The following COL8A2 variants were observed in gnomAD, a reference collection of about 807,000 sequenced individuals.
COL8A2 encodes the protein collagen type VIII alpha 2 chain.
COL8A2 carries 16 observed loss-of-function variants against 24.0 expected under a neutral mutation model. The observed-to-expected ratio is 0.67, with a 90% confidence interval of 0.45 to 1.01. The LOEUF (loss-of-function observed/expected upper bound fraction) is 1.01, where lower values mean the gene tolerates loss of function less well. COL8A2 is among the 50% of genes least tolerant of loss of function. The pLI is 0.00. For missense variants in COL8A2, 818 were observed against 942.4 expected (o/e 0.87, Z 1.73); for synonymous variants, 466 against 424.5 (o/e 1.10, Z -1.20).
At position 36,104,524 on chromosome 1, in the gene COL8A2, T is replaced by C. The variant is rs1439611214; in HGVS notation, c.-16-4266A>G. Among the ~76,000 whole-genome samples the C allele has an allele frequency of 2.1e-5, 3 of 144,672 alleles. No individual in the cohort carries two copies. The Admixed American group carries it at 2.1e-4, about 10-fold the overall frequency. 94.9% of individuals were successfully genotyped at this position (144,672 alleles called of 152,430 possible). On this transcript the variant is annotated intron_variant, in intron 2 of 3. Transcript: ENST00000397799. ...AAATAAATAAATAATAAAATACAAA[T>C]AGGCTGGACGCGGTGGCTCACACCT...
chr1:36,100,775 A>G (rs1184316327), intron 2 of COL8A2, among the ~76,000 whole-genome samples: 1 of 151,360 alleles, frequency 6.6e-6, no homozygotes, highest in African/African-American at 2.4e-5. Context: ...AGGAAGCCAG[A>G]GATGGGATTT....
chr1:36,098,318 G>T lies in COL8A2; in HGVS notation c.1363C>A (p.Gln455Lys), dbSNP rs80358191. 1 of 1,548,020 alleles carries T rather than the reference G, an allele frequency of 6.5e-7. No homozygotes were observed. The highest frequency in any genetic ancestry group is 8.7e-7 in the Non-Finnish European group (1 of 1,146,448). ...CCTGAGGGACCCCTCAGGCCAGGCT[G>T]CCCAGGGAGCCCCAAGTCACCTTTC... Reference protein sequence around the residue: ...GQKGDLGLPGQPGLRGPSGIP... With the variant: ...GQKGDLGLPGKPGLRGPSGIP... Residue 455 changes from glutamine (Q) to lysine (K), a missense_variant, in exon 4 of 4, where the codon CAG becomes AAG. Physicochemically the swap from Gln to Lys is moderately conservative, Grantham distance 53. This residue lies in a region of COL8A2 where 573 missense variants were observed against 616.8 expected (regional missense o/e 0.93). Transcript: ENST00000397799.
At chr1:36,102,825 C>T (rs989641835) in intron 2 of COL8A2, among the ~76,000 whole-genome samples, 6 of 151,532 alleles carry the variant, frequency 4.0e-5, no homozygotes, top group African/African-American at 1.5e-4. Context: ...GGGCCTGCCA[C>T]CACACCCAGC....
intron 1 of COL8A2, among the ~76,000 whole-genome samples, chr1:36,117,842 T>C (rs945719821): frequency 6.9e-6 from 1 of 144,084 alleles, no homozygotes; most frequent in African/African-American, 2.6e-5. Flanking sequence ...CTGGGCAACA[T>C]AGTGATACCC....
At chr1:36,124,566 C>T (rs1045288808) in intron 1 of COL8A2, among the ~76,000 whole-genome samples, 16 of 152,110 alleles carry the variant, frequency 1.1e-4, no homozygotes, top group Admixed American at 9.2e-4. Context: ...AACCTGGGGG[C>T]TAAGGCAGAA....
Position 36,099,308 on chromosome 1 carries a change from C to T in COL8A2, c.373G>A (p.Ala125Thr), listed in dbSNP as rs763834962. Residue 125 changes from alanine to threonine, a missense_variant, in exon 4 of 4, where the codon GCT becomes ACT. Transcript: ENST00000397799. ...TTGCCAGGGAGCCCTGGGGGACCAG[C>T]CTTGCCCATCCGGGAGAAGCCAGGG... The part of the protein sequence containing the change: ...GPPGFSRMGK[A>T]GPPGLPGKVG... 2.5e-6 allele frequency: 4 copies of T among 1,576,006 alleles called. No individual in the cohort carries two copies. Among genetic ancestry groups the T allele is most frequent in the African/African-American group, 1.3e-5 (1 of 74,476 alleles).
At chr1:36,118,781 TGATGG>T (rs1643891376) in intron 1 of COL8A2, among the ~76,000 whole-genome samples, 1 of 151,148 alleles carries the variant, frequency 6.6e-6, no homozygotes, top group Non-Finnish European at 1.5e-5. Context: ...ACTGAGGTGC[TGATGG>T]CCATGAGGTG....
At chr1:36,124,951 G>A in intron 1 of COL8A2, 106 bp downstream of exon 1, 1 of 355,690 alleles carries the variant, frequency 2.8e-6, no homozygotes, top group Non-Finnish European at 3.9e-6. Context: ...CCCGGAGTCC[G>A]AGGCGCCGGC....
chr1:36,110,399 G>A (rs1643823427), intron 2 of COL8A2, among the ~76,000 whole-genome samples: 1 of 152,086 alleles, frequency 6.6e-6, no homozygotes, highest in East Asian at 1.9e-4. Flanking sequence ...CTGCTGCAAA[G>A]CAACTTCTTT....
chr1:36,105,678 T>G (rs1643748230), intron 2 of COL8A2, among the ~76,000 whole-genome samples: 1 of 152,222 alleles, frequency 6.6e-6, no homozygotes, highest in Non-Finnish European at 1.5e-5. Flanking sequence ...CCAGGCATGG[T>G]GGCTCACACT....
rs1643621287 is a variant in COL8A2, at chr1:36,098,792, C to T, written c.889G>A (p.Ala297Thr). Residue 297 changes from alanine (A) to threonine (T), a missense_variant, in exon 4 of 4, where the codon GCC (alanine) becomes ACC (threonine). Ala to Thr is a moderately conservative substitution (Grantham distance 58). Transcript: ENST00000397799. The stretch of plus-strand genomic sequence containing the variant: ...CCCCGGGTCCCTGGCTCCCCTTTGG[C>T]CCCTGATGGGCCCTGTGGTCCTGGC... ...GLPGPQGPSG[A>T]KGEPGTRGPP... 3 of 1,611,998 alleles carry T rather than the reference C, an allele frequency of 1.9e-6. No homozygotes were observed. The highest frequency in any genetic ancestry group is 1.1e-5 in the South Asian group (1 of 91,060).
chr1:36,111,310 G>C (rs578236623), intron 2 of COL8A2, among the ~76,000 whole-genome samples: 7 of 152,072 alleles, frequency 4.6e-5, no homozygotes, highest in African/African-American at 1.2e-4. Flanking sequence ...CTCTCACCTC[G>C]GGGTGCTCCA....
Position 36,098,713 on chromosome 1 carries a change from G to T in COL8A2, c.968C>A (p.Pro323His). The T allele has an allele frequency of 3.7e-6, 6 of 1,610,084 alleles. No individual in the cohort carries two copies. Among genetic ancestry groups the T allele is most frequent in the Non-Finnish European group, 5.1e-6 (6 of 1,178,956 alleles). Residue 323 changes from proline (P) to histidine (H), a missense_variant, in exon 4 of 4, where the codon CCC becomes CAC. Pro to His is a moderately conservative substitution (Grantham distance 77). This residue lies in a region of COL8A2 where 573 missense variants were observed against 616.8 expected (regional missense o/e 0.93). Coordinates refer to ENST00000397799, the MANE Select transcript of COL8A2 (RefSeq NM_005202.4). ...CCCAGCTGGGCCCCTGTCCCCCTTG[G>T]GGCCTGGCAGTCCTGGCATCCCATA... Reference protein sequence around the residue: ...TGYGMPGLPGPKGDRGPAGVP... With the variant: ...TGYGMPGLPGHKGDRGPAGVP...
At chr1:36,116,070 AAAG>A (rs1008418992) in intron 1 of COL8A2, among the ~76,000 whole-genome samples, 5 of 151,694 alleles carry the variant, frequency 3.3e-5, no homozygotes, top group Middle Eastern at 6.8e-3. Flanking sequence ...AAAAAAAAAA[AAAG>A]GAGGAACAGT....
At position 36,114,476 on chromosome 1, in the gene COL8A2, C is replaced by T. The variant is rs1643870377; in HGVS notation, c.-17+1232G>A. 2.0e-5 allele frequency among the ~76,000 whole-genome samples: 3 copies of T among 152,156 alleles called. No homozygotes were observed. The South Asian group carries it at 6.2e-4, about 32-fold the overall frequency. Reference sequence around the variant, plus strand: ...CCCAACACACTAGGATCCAGACAACCCAGACGTCTCACTGCCTCCCTGTCC... The same window carrying T: ...CCCAACACACTAGGATCCAGACAACTCAGACGTCTCACTGCCTCCCTGTCC... On this transcript the variant is annotated intron_variant, in intron 2 of 3. Coordinates refer to ENST00000397799, the MANE Select transcript of COL8A2 (RefSeq NM_005202.4).
chr1:36,104,625 C>G (rs1332843890), intron 2 of COL8A2, among the ~76,000 whole-genome samples: 3 of 151,842 alleles, frequency 2.0e-5, no homozygotes, highest in Non-Finnish European at 4.4e-5. Flanking sequence ...GAAACCCCGT[C>G]TCTACTAAAA....
rs1643898754 is a variant in COL8A2, at chr1:36,119,999, CAGAGGCTTCCCTCCCTTG to C, written c.-61-4265_-61-4248del. On this transcript the variant is annotated intron_variant, in intron 1 of 3. Coordinates refer to ENST00000397799, the MANE Select transcript of COL8A2 (RefSeq NM_005202.4). ...CCCCAGCTCAGGCCCCGCCTCTTCA[CAGAGGCTTCCCTCCCTTG>C]CAGGACCCACCAGGGACCACCAAGG... 1.1e-4 allele frequency among the ~76,000 whole-genome samples: 17 copies of C among 152,300 alleles called. No homozygotes were observed. In the South Asian group the frequency reaches 3.1e-3, roughly 28 times the overall value.
At chr1:36,105,085 G>C (rs1319891922) in intron 2 of COL8A2, among the ~76,000 whole-genome samples, 1 of 152,084 alleles carries the variant, frequency 6.6e-6, no homozygotes, top group Non-Finnish European at 1.5e-5. Flanking sequence ...TGGGGAGAAG[G>C]CCTCCCTCAG....
rs1367340666 is a variant in COL8A2 at position 36,098,106 on chromosome 1, C to G, written c.1575G>C (p.Gly525=). ...PGITGPPGPP[G]PPGPPGAPGA... ...CAGGGGCACCAGGGGGTCCCGGGGG[C>G]CCGGGAGGCCCCGGAGGGCCCGTGA... Residue 525 remains glycine (G), a synonymous_variant, in exon 4 of 4, where the codon GGG becomes GGC. Coordinates refer to ENST00000397799, the MANE Select transcript of COL8A2 (RefSeq NM_005202.4). 22 of 1,509,288 alleles carry G rather than the reference C, an allele frequency of 1.5e-5. No individual in the cohort carries two copies. Among genetic ancestry groups the G allele is most frequent in the Non-Finnish European group, 1.8e-5 (21 of 1,138,418 alleles). 93.5% of individuals were successfully genotyped at this position (1,509,288 alleles called of 1,614,324 possible).
Sources: allele counts gnomAD v4.1 joint callset (sites outside exome capture counted in the v4.1 genomes callset), GRCh38; gene constraint gnomAD v4.1.1; regional missense constraint gnomAD v4.1.1; transcripts MANE v1.5; gene names NCBI Gene and HGNC (gene_info 2026-07-23, HGNC 2026-07-21).